The following ASPRV1 variants were observed in gnomAD, a reference collection of about 807,000 sequenced individuals.
The protein encoded by ASPRV1 is retroviral-like aspartic protease 1.
Under a neutral mutation model 11.0 loss-of-function variants are expected in ASPRV1, and 7 were observed. The ratio of observed to expected loss-of-function variants is 0.64; its 90% CI spans 0.36 to 1.20. The LOEUF (loss-of-function observed/expected upper bound fraction) is 1.20. Ranked by LOEUF, ASPRV1 falls within the 50% of genes most tolerant of loss-of-function variation. ASPRV1 has a pLI of 0.02. For missense variants in ASPRV1, 299 were observed against 320.0 expected (o/e 0.93, Z 0.50); for synonymous variants, 136 against 138.4 (o/e 0.98, Z 0.12).
In ASPRV1 at chr2:69,960,805, A is replaced by G. The variant is rs1678065642; in HGVS notation, c.632T>C (p.Ile211Thr). The change falls in exon 1 of 1, where the codon ATC (isoleucine) becomes ACC (threonine). Residue 211 changes from isoleucine (I) to threonine (T), a missense_variant. Coordinates refer to ENST00000320256, the MANE Select transcript of ASPRV1 (RefSeq NM_152792.4). The stretch of plus-strand genomic sequence containing the variant: ...GCATGTGCGGTGCTCAAAGTCCAGG[A>G]TAGCATTGTGGTCCTGGAGCACATC... ...GTDVLQDHNA[I>T]LDFEHRTCTL... 1 of 1,614,106 alleles carries G rather than the reference A, an allele frequency of 6.2e-7. No homozygotes were observed.
the ASPRV1 span, chr2:70,031,087 T>C: frequency 6.6e-6 from 1 of 152,170 alleles, no homozygotes; most frequent in African/African-American, 2.4e-5. Flanking sequence ...AGATTATCCT[T>C]AGGACTCCAG....
At chr2:70,033,010 G>A in the ASPRV1 span, among the ~76,000 whole-genome samples, 1 of 152,046 alleles carries the variant, frequency 6.6e-6, no homozygotes, top group African/African-American at 2.4e-5. Flanking sequence ...TCAGATATCA[G>A]CTACAACCAC....
the ASPRV1 span, among the ~76,000 whole-genome samples, chr2:69,969,227 G>A: frequency 6.6e-6 from 1 of 152,102 alleles, no homozygotes; most frequent in Non-Finnish European, 1.5e-5. Context: ...TGGAGGAAGG[G>A]GTGCCCCTTT....
chr2:69,990,563 G>C, the ASPRV1 span, among the ~76,000 whole-genome samples: 21 of 152,072 alleles, frequency 1.4e-4, no homozygotes, highest in African/African-American at 4.6e-4. Flanking sequence ...CTGTAGCCTC[G>C]ACATCTAGGG....
chr2:69,937,074 T>C, the ASPRV1 span: 5 of 920,638 alleles, frequency 5.4e-6, no homozygotes, highest in African/African-American at 8.1e-5. Flanking sequence ...CAGGAGTCAC[T>C]GGCCAGTCGA....
the ASPRV1 span, among the ~76,000 whole-genome samples, chr2:70,027,652 T>C: frequency 2.0e-5 from 3 of 152,142 alleles, no homozygotes; most frequent in African/African-American, 7.2e-5. Flanking sequence ...GGTGATCTCA[T>C]GGAAGTAGAG....
chr2:70,021,422 C>A, the ASPRV1 span, among the ~76,000 whole-genome samples: 1 of 150,660 alleles, frequency 6.6e-6, no homozygotes, highest in Non-Finnish European at 1.5e-5. Context: ...GGGTTCACGA[C>A]ATTCTCCTGC....
the ASPRV1 span, among the ~76,000 whole-genome samples, chr2:70,033,923 G>A: frequency 3.3e-4 from 50 of 152,074 alleles, no homozygotes; most frequent in Non-Finnish European, 6.9e-4. Context: ...GGGAGGCCGA[G>A]GCGGGCAGAT....
chr2:70,082,938 G>A, the ASPRV1 span, among the ~76,000 whole-genome samples: 1 of 152,014 alleles, frequency 6.6e-6, no homozygotes, highest in Admixed American at 6.6e-5. Context: ...AACAACCATA[G>A]TATGCTTGCT....
At chr2:69,949,558 A>G in the ASPRV1 span, among the ~76,000 whole-genome samples, 11 of 152,338 alleles carry the variant, frequency 7.2e-5, no homozygotes, top group African/African-American at 2.2e-4. Flanking sequence ...TTGGTTGAGA[A>G]CAAGCTGCAG....
chr2:70,067,582 A>G, the ASPRV1 span, among the ~76,000 whole-genome samples: 2 of 152,256 alleles, frequency 1.3e-5, no homozygotes, highest in African/African-American at 4.8e-5. Context: ...GTTTGTACTA[A>G]CATGGAATAC....
At chr2:70,040,758 C>T in the ASPRV1 span, among the ~76,000 whole-genome samples, 1 of 150,868 alleles carries the variant, frequency 6.6e-6, no homozygotes, top group Non-Finnish European at 1.5e-5. Flanking sequence ...CACTTGAACC[C>T]GGGAGGCAGA....
chr2:69,987,158 G>A, the ASPRV1 span, among the ~76,000 whole-genome samples: 1 of 152,152 alleles, frequency 6.6e-6, no homozygotes, highest in Non-Finnish European at 1.5e-5. Flanking sequence ...TGAGTGAGGG[G>A]AAGGCATTGG....
the ASPRV1 span, among the ~76,000 whole-genome samples, chr2:69,967,924 T>C: frequency 6.6e-6 from 1 of 151,702 alleles, no homozygotes; most frequent in African/African-American, 2.4e-5. Context: ...CTACTAAAAA[T>C]TACAAAAATT....
the ASPRV1 span, among the ~76,000 whole-genome samples, chr2:70,082,151 G>C: frequency 1.4e-4 from 22 of 152,040 alleles, no homozygotes; most frequent in African/African-American, 5.3e-4. Flanking sequence ...ATTTGTGTGT[G>C]TGTGTGTATT....
chr2:70,084,079 G>A, the ASPRV1 span, among the ~76,000 whole-genome samples: 1 of 152,202 alleles, frequency 6.6e-6, no homozygotes, highest in African/African-American at 2.4e-5. Flanking sequence ...CTCGGGGAAG[G>A]AGGGAGGCTA....
At chr2:70,014,136 C>A in the ASPRV1 span, among the ~76,000 whole-genome samples, 66 of 152,202 alleles carry the variant, frequency 4.3e-4, no homozygotes, top group South Asian at 0.013. Flanking sequence ...ACCCAAGGCA[C>A]AGGCAACAAA....
the ASPRV1 span, among the ~76,000 whole-genome samples, chr2:70,061,325 G>A: frequency 1.3e-5 from 2 of 151,118 alleles, no homozygotes; most frequent in South Asian, 2.1e-4. Context: ...AACCTGGGAG[G>A]CAGAGGTTGT....
downstream of ASPRV1, among the ~76,000 whole-genome samples, chr2:69,957,737 G>C (rs1342431155): frequency 6.6e-6 from 1 of 151,998 alleles, no homozygotes; most frequent in South Asian, 2.1e-4. Context: ...GCAGTACAGG[G>C]GTAGATGCCA....
Sources: gnomAD v4.1 joint callset for allele counts (sites outside exome capture counted in the v4.1 genomes callset) on GRCh38, gnomAD v4.1.1 for gene constraint, MANE v1.5 for transcripts, NCBI Gene and HGNC (gene_info 2026-07-23, HGNC 2026-07-21) for gene names.